Variants in ANGPTL6 observed in about 807,000 individuals in gnomAD.
ANGPTL6 encodes the protein angiopoietin-related protein 6.
ANGPTL6 carries 45 observed loss-of-function variants against 47.4 expected under a neutral mutation model. The ratio of observed to expected loss-of-function variants is 0.95; its 90% CI spans 0.75 to 1.22. The LOEUF (loss-of-function observed/expected upper bound fraction) is 1.22. Among genes scored for constraint, ANGPTL6 ranks in the 50% most tolerant of loss-of-function variants. The pLI, the probability that ANGPTL6 is intolerant of heterozygous loss-of-function variation, is 0.00. For synonymous variants in ANGPTL6, 290 were observed against 295.9 expected (o/e 0.98, Z 0.20); for missense variants, 698 against 669.4 (o/e 1.04, Z -0.47).
chr19:10,094,456 T>G, intron 3 of ANGPTL6: 1 of 377,692 alleles, frequency 2.6e-6, no homozygotes, highest in Non-Finnish European at 4.8e-6. Context: ...AACTCTGGGG[T>G]TCTTAAACCC....
chr19:10,101,804 C>CA (rs1019332736), intron 1 of ANGPTL6, among the ~76,000 whole-genome samples: 15,292 of 53,968 alleles, frequency 0.28, 2,495 homozygotes, highest in South Asian at 0.5. Context: ...GAGCAAGGCT[C>CA]AAAAAAAAAA....
intron 1 of ANGPTL6, among the ~76,000 whole-genome samples, chr19:10,099,878 C>T (rs2088641597): frequency 2.7e-5 from 4 of 147,050 alleles, no homozygotes; most frequent in Admixed American, 6.8e-5. Context: ...TCTCTCTCTC[C>T]CCCACGCCCT....
rs1036720141 is a variant in ANGPTL6 at position 10,096,359 on chromosome 19, C to G, written c.205G>C (p.Val69Leu). 38 of 1,284,646 alleles carry G rather than the reference C, an allele frequency of 3.0e-5. No homozygotes were observed. In the South Asian group the frequency reaches 8.0e-4, roughly 27 times the overall value. 79.6% of individuals were successfully genotyped at this position (1,284,646 alleles called of 1,614,324 possible). ...CGTAACAGCTCCTCGTGGCGGCCGA[C>G]GCGCATGCGCAGCGCCGCCAGCTCG... ...ASELAALRMR[V>L]GRHEELLREL... Residue 69 changes from valine (V) to leucine (L), a missense_variant, in exon 2 of 6, where the codon GTC becomes CTC. Val to Leu is a conservative substitution (Grantham distance 32, BLOSUM62 1). Coordinates refer to ENST00000253109, the MANE Select transcript of ANGPTL6 (RefSeq NM_031917.3).
In ANGPTL6 at chr19:10,096,166, G is replaced by C. The variant is rs1193090636; in HGVS notation, c.398C>G (p.Ala133Gly). ...GPGADLGAEP[A>G]AALALLGERV... ...CTCCCCGAGCAGCGCCAGCGCCGCG[G>C]CAGGCTCCGCCCCCAGATCCGCCCC... Residue 133 changes from alanine (A) to glycine (G), a missense_variant, in exon 2 of 6, where the codon GCC (alanine) becomes GGC (glycine). Transcript: ENST00000253109. 3 of 1,308,160 alleles carry C rather than the reference G, an allele frequency of 2.3e-6. No homozygotes were observed. Among genetic ancestry groups the C allele is most frequent in the Non-Finnish European group, 2.9e-6 (3 of 1,028,334 alleles). 81.0% of individuals were successfully genotyped at this position (1,308,160 alleles called of 1,614,324 possible). A position where few individuals can be genotyped will look rare whatever the true frequency, so the allele number is the denominator to read the frequency against.
chr19:10,097,802 G>A (rs1005821041), intron 1 of ANGPTL6, among the ~76,000 whole-genome samples: 4 of 152,052 alleles, frequency 2.6e-5, no homozygotes, highest in Admixed American at 1.3e-4. Flanking sequence ...GCGGTGAGCC[G>A]AGATTGTGCC....
chr19:10,099,655 C>T (rs991392582), intron 1 of ANGPTL6, among the ~76,000 whole-genome samples: 5 of 151,546 alleles, frequency 3.3e-5, no homozygotes, highest in African/African-American at 4.8e-5. Flanking sequence ...CTTCCTCACA[C>T]GAAGCAAGTT....
upstream of ANGPTL6, chr19:10,102,903 G>T (rs1281815045): frequency 7.6e-6 from 4 of 524,712 alleles, no homozygotes; most frequent in African/African-American, 2.1e-5. Context: ...CCACTGCAGA[G>T]CCCAGAGCGT....
At chr19:10,105,682 G>A (rs2088802786), upstream of ANGPTL6, among the ~76,000 whole-genome samples, 2 of 151,868 alleles carry the variant, frequency 1.3e-5, no homozygotes, top group South Asian at 2.1e-4. Context: ...CAAGGAGGGA[G>A]AGGAGGCCGA....
chr19:10,105,680 G>A (rs746807588), upstream of ANGPTL6, among the ~76,000 whole-genome samples: 25 of 151,992 alleles, frequency 1.6e-4, no homozygotes, highest in Non-Finnish European at 3.4e-4. Context: ...AGCAAGGAGG[G>A]AGAGGAGGCC....
At chr19:10,098,307 G>A (rs1473543728) in intron 1 of ANGPTL6, among the ~76,000 whole-genome samples, 1 of 152,042 alleles carries the variant, frequency 6.6e-6, no homozygotes, top group Non-Finnish European at 1.5e-5. Flanking sequence ...AGCTATGATC[G>A]CAGCATTGCA....
rs750994390 is a variant in ANGPTL6, at chr19:10,092,606, G to A, written c.1396C>T (p.Arg466Trp). ...YSLRKAAMLI[R>W]PLKL The stretch of plus-strand genomic sequence containing the variant: ...ACACAGAGTCACAGCTTCAGGGGCC[G>A]AATGAGCATGGCGGCCTTCCTGAGA... The change falls in exon 6 of 6, where the codon CGG (arginine) becomes TGG (tryptophan). Residue 466 changes from arginine (R) to tryptophan (W), a missense_variant. Physicochemically the swap from Arg to Trp is moderately radical, Grantham distance 101. Transcript: ENST00000253109. The A allele has an allele frequency of 2.1e-5, 33 of 1,607,868 alleles. No individual in the cohort carries two copies. Among genetic ancestry groups the A allele is most frequent in the Admixed American group, 5.0e-5 (3 of 59,780 alleles).
chr19:10,105,118 C>T (rs2088785513), upstream of ANGPTL6, among the ~76,000 whole-genome samples: 1 of 152,208 alleles, frequency 6.6e-6, no homozygotes, highest in Non-Finnish European at 1.5e-5. Flanking sequence ...CCCTGGTCTG[C>T]ACCATCCTGA....
chr19:10,092,521 T>C lies in ANGPTL6; in HGVS notation c.*68A>G. On this transcript the variant is annotated 3_prime_UTR_variant, in exon 6 of 6. Coordinates refer to ENST00000253109, the MANE Select transcript of ANGPTL6 (RefSeq NM_031917.3). ...TTGGCACTGAGCCACAAAGAAGGTG[T>C]GGCCAGAACAACTTGGGCTCCTGCT... The C allele has an allele frequency of 6.5e-7, 1 of 1,538,514 alleles. No homozygotes were observed. Among genetic ancestry groups the C allele is most frequent in the Non-Finnish European group, 8.8e-7 (1 of 1,138,312 alleles).
intron 3 of ANGPTL6, 132 bp downstream of exon 3, chr19:10,094,626 T>G: frequency 8.9e-7 from 1 of 1,121,548 alleles, no homozygotes; most frequent in Non-Finnish European, 1.3e-6. Flanking sequence ...CCTTAGAAGT[T>G]TGGTCTTATT....
Position 10,096,013 on chromosome 19 carries a change from A to G in ANGPTL6, c.551T>C (p.Leu184Pro). 1.5e-6 allele frequency: 2 copies of G among 1,362,212 alleles called. No homozygotes were observed. Among genetic ancestry groups the G allele is most frequent in the Non-Finnish European group, 1.9e-6 (2 of 1,052,596 alleles). The allele number at this position is 1,362,212 out of a possible 1,614,324, so 84.4% of individuals were successfully genotyped here. A position where few individuals can be genotyped will look rare whatever the true frequency, so the allele number is the denominator to read the frequency against. ...CTGCCCGCCCGCGCCTCCCGGGCAC[A>G]GGCGCTCCAGGCGGGCGATGAGACT... ...QSSLIARLER[L>P]CPGGAGGQQQ... The change falls in exon 2 of 6, where the codon CTG (leucine) becomes CCG (proline). Residue 184 changes from leucine to proline, a missense_variant. Physicochemically the swap from Leu to Pro is moderately conservative, Grantham distance 98. Coordinates refer to ENST00000253109, the MANE Select transcript of ANGPTL6 (RefSeq NM_031917.3).
chr19:10,097,718 T>C (rs1170339150), intron 1 of ANGPTL6, among the ~76,000 whole-genome samples: 1 of 151,946 alleles, frequency 6.6e-6, no homozygotes, highest in Non-Finnish European at 1.5e-5. Context: ...CTGGGCGTGG[T>C]GGCGGGCACT....
intron 1 of ANGPTL6, among the ~76,000 whole-genome samples, chr19:10,098,294 G>A (rs2088595039): frequency 6.6e-6 from 1 of 152,116 alleles, no homozygotes; most frequent in African/African-American, 2.4e-5. Context: ...TGAAGCTGCA[G>A]TGAGCTATGA....
chr19:10,097,447 G>A (rs942193340), intron 1 of ANGPTL6, among the ~76,000 whole-genome samples: 39 of 151,314 alleles, frequency 2.6e-4, no homozygotes, highest in African/African-American at 9.2e-4. Context: ...CTAGGCACTG[G>A]GAATACATTT....
At position 10,096,175 on chromosome 19, in the gene ANGPTL6, G is replaced by GC. The variant is rs1172781171; in HGVS notation, c.388dup (p.Ala130GlyfsTer83). ...CAGCGCCAGCGCCGCGGCAGGCTCCGCCCCCAGATCCGCCCCCGGGCCCGC... is the reference window on the plus strand; with the variant it reads ...CAGCGCCAGCGCCGCGGCAGGCTCCGCCCCCCAGATCCGCCCCCGGGCCCGC... On this transcript the variant is annotated frameshift_variant, in exon 2 of 6. Coordinates refer to ENST00000253109, the MANE Select transcript of ANGPTL6 (RefSeq NM_031917.3). LOFTEE classifies it high-confidence loss of function. 19 of 1,294,834 alleles carry GC rather than the reference G, an allele frequency of 1.5e-5. No individual in the cohort carries two copies. Among genetic ancestry groups the GC allele is most frequent in the Non-Finnish European group, 1.8e-5 (18 of 1,021,576 alleles). 80.2% of individuals were successfully genotyped at this position (1,294,834 alleles called of 1,614,324 possible). A position where few individuals can be genotyped will look rare whatever the true frequency, so the allele number is the denominator to read the frequency against.
Sources: allele counts gnomAD v4.1 joint callset (sites outside exome capture counted in the v4.1 genomes callset), GRCh38; gene constraint gnomAD v4.1.1; transcripts MANE v1.5; gene names NCBI Gene and HGNC (gene_info 2026-07-23, HGNC 2026-07-21).